Variants in ARHGAP24 observed in about 807,000 individuals in gnomAD.
ARHGAP24 encodes Rho GTPase activating protein 24.
ARHGAP24 carries 50 observed loss-of-function variants against 76.4 expected under a neutral mutation model. The observed-to-expected ratio is 0.65, with a 90% confidence interval of 0.52 to 0.83. ARHGAP24 has a LOEUF of 0.83. Among genes scored for constraint, ARHGAP24 ranks in the 40% least tolerant of loss-of-function variants. The pLI is 0.00. For synonymous variants in ARHGAP24, 345 were observed against 323.3 expected (o/e 1.07, Z -0.72); for missense variants, 930 against 914.2 (o/e 1.02, Z -0.22).
At chr4:85,993,564 T>C (rs997268880) in intron 8 of ARHGAP24, among the ~76,000 whole-genome samples, 1 of 152,212 alleles carries the variant, frequency 6.6e-6, no homozygotes, top group South Asian at 2.1e-4. Flanking sequence ...TTGCCTCAGG[T>C]CAGGTTTCTA....
rs559734174 is a variant in ARHGAP24 at position 85,959,360 on chromosome 4, A to T, written c.600-12676A>T. On this transcript the variant is annotated intron_variant, in intron 5 of 9. Coordinates refer to ENST00000395184, the MANE Select transcript of ARHGAP24 (RefSeq NM_001025616.3). ...AACCTGTTTCATCAGCAGGGTCTTT[A>T]TGACCTGGATCTTGTGCTGACCTCT... is the stretch of plus-strand genomic sequence containing the variant. Among the ~76,000 whole-genome samples, 17 of 152,216 alleles carry T rather than the reference A, an allele frequency of 1.1e-4. No homozygotes were observed. The East Asian group carries it at 3.3e-3, about 29-fold the overall frequency.
At chr4:85,964,972 G>A (rs1266134207) in intron 5 of ARHGAP24, among the ~76,000 whole-genome samples, 2 of 152,014 alleles carry the variant, frequency 1.3e-5, no homozygotes, top group African/African-American at 4.8e-5. Flanking sequence ...AGCATTGAAA[G>A]GGAGGAGTCT....
At chr4:85,898,027 ATATGTG>A (rs1734288308) in intron 3 of ARHGAP24, among the ~76,000 whole-genome samples, 1 of 55,588 alleles carries the variant, frequency 1.8e-5, no homozygotes, top group African/African-American at 8.8e-5. Context: ...ACACACACAT[ATATGTG>A]TATATATATA....
intron 3 of ARHGAP24, among the ~76,000 whole-genome samples, chr4:85,865,534 A>G (rs866996709): frequency 6.8e-6 from 1 of 147,672 alleles, no homozygotes; most frequent in African/African-American, 2.4e-5. Context: ...ATTATTTATA[A>G]ATCAAGAATA....
At chr4:85,897,775 C>A (rs149205276) in intron 3 of ARHGAP24, among the ~76,000 whole-genome samples, 237 of 151,896 alleles carry the variant, frequency 1.6e-3, no homozygotes, top group African/African-American at 5.6e-3. Flanking sequence ...CCAGGTATTT[C>A]CAATTTTCCT....
chr4:85,505,896 A>G (rs1394797192), intron 1 of ARHGAP24, among the ~76,000 whole-genome samples: 1 of 151,862 alleles, frequency 6.6e-6, no homozygotes. Context: ...TGACCTACAG[A>G]TGGGGTTTTG....
intron 1 of ARHGAP24, among the ~76,000 whole-genome samples, chr4:85,491,179 T>A (rs187925082): frequency 1.3e-5 from 2 of 152,322 alleles, no homozygotes; most frequent in East Asian, 3.9e-4. Flanking sequence ...TGTCTTGTAA[T>A]TCATCACATA....
chr4:85,941,532 T>C (rs1381562386), intron 4 of ARHGAP24, among the ~76,000 whole-genome samples: 1 of 152,238 alleles, frequency 6.6e-6, no homozygotes, highest in African/African-American at 2.4e-5. Context: ...AAATATTTTA[T>C]ATGGGAGAAA....
rs1740538333 is a variant in ARHGAP24 at position 85,994,685 on chromosome 4, GCAA to G, written c.1038_1040del (p.Asn347del). ...CAAAGCAAGCCCCAAGATGGAGTGA[GCAA>G]CAACAATGAAATTCAGAAGAAAGCC... On this transcript the variant is annotated inframe_deletion, in exon 9 of 10. Transcript: ENST00000395184. 3 of 1,614,150 alleles carry G rather than the reference GCAA, an allele frequency of 1.9e-6. No individual in the cohort carries two copies. The highest frequency in any genetic ancestry group is 2.5e-6 in the Non-Finnish European group (3 of 1,180,040).
chr4:85,683,107 TG>T (rs1223249873), intron 2 of ARHGAP24, among the ~76,000 whole-genome samples: 10 of 12,844 alleles, frequency 7.8e-4, no homozygotes, highest in Non-Finnish European at 1.5e-3. Context: ...TCTCTCAGTG[TG>T]TGGGGGGGTG....
At chr4:85,568,222 T>C (rs1322809516) in intron 1 of ARHGAP24, among the ~76,000 whole-genome samples, 2 of 150,082 alleles carry the variant, frequency 1.3e-5, no homozygotes, top group East Asian at 3.9e-4. Context: ...ATAGAAAGCA[T>C]GAATTTGAGA....
chr4:85,896,093 C>T (rs1734164897), intron 3 of ARHGAP24, among the ~76,000 whole-genome samples: 1 of 152,104 alleles, frequency 6.6e-6, no homozygotes, highest in African/African-American at 2.4e-5. Context: ...CCTAAGTAAA[C>T]CCATATTTGT....
At chr4:85,890,897 G>C in intron 3 of ARHGAP24, among the ~76,000 whole-genome samples, 1 of 152,108 alleles carries the variant, frequency 6.6e-6, no homozygotes, top group Non-Finnish European at 1.5e-5. Context: ...CACTTCTAAA[G>C]CCCTAAAACA....
At chr4:85,573,745 G>T (rs1479438384) in intron 2 of ARHGAP24, among the ~76,000 whole-genome samples, 1 of 152,186 alleles carries the variant, frequency 6.6e-6, no homozygotes, top group Non-Finnish European at 1.5e-5. Flanking sequence ...ACATGTGTGT[G>T]GTTGTGTGTG....
intron 3 of ARHGAP24, among the ~76,000 whole-genome samples, chr4:85,853,336 A>T (rs1731347787): frequency 6.6e-6 from 1 of 152,296 alleles, no homozygotes. Context: ...TTGGAAAAGC[A>T]CAGTATTTGG....
chr4:85,667,405 C>T (rs1350974211), intron 2 of ARHGAP24, among the ~76,000 whole-genome samples: 1 of 152,110 alleles, frequency 6.6e-6, no homozygotes, highest in Non-Finnish European at 1.5e-5. Context: ...ATCTGTCACC[C>T]CTGTCTTTGA....
chr4:85,762,837 G>T (rs950919369), intron 3 of ARHGAP24, among the ~76,000 whole-genome samples: 3 of 152,074 alleles, frequency 2.0e-5, no homozygotes, highest in African/African-American at 7.2e-5. Flanking sequence ...TTTAACTAGC[G>T]TAACTGTGAA....
At chr4:85,997,341 TAGAG>T (rs879400388) in intron 9 of ARHGAP24, among the ~76,000 whole-genome samples, 7,312 of 150,002 alleles carry the variant, frequency 0.049, 625 homozygotes, top group African/African-American at 0.17. Flanking sequence ...GATAGATAGA[TAGAG>T]AGATAGATAA....
At chr4:85,624,977 G>A (rs952190926) in intron 2 of ARHGAP24, among the ~76,000 whole-genome samples, 5 of 151,820 alleles carry the variant, frequency 3.3e-5, no homozygotes, top group Non-Finnish European at 5.9e-5. Flanking sequence ...TTCTTTATTA[G>A]TCTTGCTAGC....
Sources: allele counts gnomAD v4.1 joint callset (sites outside exome capture counted in the v4.1 genomes callset), GRCh38; gene constraint gnomAD v4.1.1; transcripts MANE v1.5; gene names NCBI Gene and HGNC (gene_info 2026-07-23, HGNC 2026-07-21).